MRI1: variants seen among roughly 807,000 people sequenced by gnomAD.
The protein encoded by MRI1 is methylthioribose-1-phosphate isomerase 1, also known as methylthioribose-1-phosphate isomerase.
A neutral mutation model predicts 27.3 loss-of-function variants in MRI1; 32 were observed. The ratio of observed to expected loss-of-function variants is 1.17; its 90% CI spans 0.88 to 1.57. MRI1 has a LOEUF of 1.57. Ranked by LOEUF, MRI1 falls within the 40% of genes most tolerant of loss-of-function variation. MRI1 has a pLI of 0.00. For synonymous variants in MRI1, 216 were observed against 227.4 expected (o/e 0.95, Z 0.45); for missense variants, 508 against 516.1 (o/e 0.98, Z 0.15).
chr19:13,769,930 A>C (rs1014742152), intron 5 of MRI1, among the ~76,000 whole-genome samples: 4 of 151,942 alleles, frequency 2.6e-5, no homozygotes, highest in Admixed American at 2.6e-4. Flanking sequence ...AAAAAAAAAA[A>C]AGAAAAGAAA....
rs969653996 is a variant in MRI1 at position 13,768,668 on chromosome 19, G to C, written c.655G>C (p.Glu219Gln). 1 of 1,613,978 alleles carries C rather than the reference G, an allele frequency of 6.2e-7. No homozygotes were observed. The highest frequency in any genetic ancestry group is 2.2e-5 in the East Asian group (1 of 44,884). ...ARLTAFELVYEQIPATLITDS... is the reference protein window; with the variant it reads ...ARLTAFELVYQQIPATLITDS... ...GCTGACGGCCTTTGAGCTGGTCTAT[G>C]AGCAGATCCCCGCCACCCTTATCAC... The change falls in exon 4 of 6, where the codon GAG (glutamate) becomes CAG (glutamine). Residue 219 changes from glutamate (E) to glutamine (Q), a missense_variant. This residue lies in a region of MRI1 where 457 missense variants were observed against 452.8 expected (regional missense o/e 1.01). Coordinates refer to ENST00000040663, the MANE Select transcript of MRI1 (RefSeq NM_001031727.4).
chr19:13,764,979 G>A lies in MRI1; in HGVS notation c.241G>A (p.Asp81Asn), dbSNP rs1974085192. 6.6e-7 allele frequency: 1 copy of A among 1,518,382 alleles called. No individual in the cohort carries two copies. The highest frequency in any genetic ancestry group is 8.8e-7 in the Non-Finnish European group (1 of 1,139,238). 94.1% of individuals were successfully genotyped at this position (1,518,382 alleles called of 1,614,324 possible). Reference sequence around the variant, plus strand: ...CGCCGCGCTCGTGGCCTTCGTGCGCGACAAGCTGAGCTTCCTCGTCACCGC... The same window carrying A: ...CGCCGCGCTCGTGGCCTTCGTGCGCAACAAGCTGAGCTTCCTCGTCACCGC... ...GLAALVAFVR[D>N]KLSFLVTARP... Residue 81 changes from aspartate to asparagine, a missense_variant, in exon 2 of 6, where the codon GAC becomes AAC. Physicochemically the swap from Asp to Asn is conservative, Grantham distance 23. Transcript: ENST00000040663.
chr19:13,767,502 C>T (rs1012346129), intron 3 of MRI1, among the ~76,000 whole-genome samples: 2 of 151,874 alleles, frequency 1.3e-5, no homozygotes, highest in Admixed American at 6.6e-5. Flanking sequence ...AAGTTCTAGA[C>T]CAGCCTTTGC....
rs932365634 is a variant in MRI1, at chr19:13,764,525, C to A, written c.-64C>A. 5.7e-6 allele frequency: 9 copies of A among 1,582,714 alleles called. No homozygotes were observed. The highest frequency in any genetic ancestry group is 6.9e-6 in the Non-Finnish European group (8 of 1,166,450). ...GGGAGGCTCCGCCCACGGCCCCGCC[C>A]CGCTCCCAAGTGCGCGCGGACCCCT... On this transcript the variant is annotated 5_prime_UTR_variant, in exon 1 of 6. Coordinates refer to ENST00000040663, the MANE Select transcript of MRI1 (RefSeq NM_001031727.4).
chr19:13,769,423 C>A (rs1974223529), intron 5 of MRI1, among the ~76,000 whole-genome samples: 3 of 152,104 alleles, frequency 2.0e-5, no homozygotes, highest in Non-Finnish European at 4.4e-5. Flanking sequence ...CTCTGCCTCC[C>A]AAAGCGCTAG....
chr19:13,766,376 G>T (rs1055434987), intron 3 of MRI1, among the ~76,000 whole-genome samples: 1 of 152,104 alleles, frequency 6.6e-6, no homozygotes, highest in Non-Finnish European at 1.5e-5. Context: ...CCATGGGCTG[G>T]CAGGCGGCTG....
chr19:13,767,861 C>CTTTTTTTTT lies in MRI1; in HGVS notation c.548-683_548-675dup, dbSNP rs1170108927. On this transcript the variant is annotated intron_variant, in intron 3 of 5. Coordinates refer to ENST00000040663, the MANE Select transcript of MRI1 (RefSeq NM_001031727.4). ...TCTTTTCAAGTATTTTCTTTCTTTC[C>CTTTTTTTTT]TTTTTTTTTTTTTTTTTTTTTTTTT... 1.2e-3 allele frequency among the ~76,000 whole-genome samples: 72 copies of CTTTTTTTTT among 61,080 alleles called. 6 individuals are homozygous for CTTTTTTTTT. The highest frequency in any genetic ancestry group is 6.7e-3 in the East Asian group (11 of 1,638). 40.1% of individuals were successfully genotyped at this position (61,080 alleles called of 152,430 possible).
chr19:13,768,378 G>T, intron 3 of MRI1, 183 bp from the exon 4 acceptor site: 1 of 1,499,744 alleles, frequency 6.7e-7, no homozygotes. Context: ...GGAGCTATGC[G>T]AGCATTGGGA....
rs949111038 is a variant in MRI1, at chr19:13,768,972, C to T, written c.873C>T (p.Thr291=). The part of the protein sequence containing the change: ...PSSSCDLRLE[T]GKEIIIEERP... ...CTTCATGTGACCTCCGTCTGGAGAC[C>T]GGCAAGGAGATCATTATTGAAGAGC... Residue 291 remains threonine, a synonymous_variant, in exon 5 of 6, where the codon ACC becomes ACT. Coordinates refer to ENST00000040663, the MANE Select transcript of MRI1 (RefSeq NM_001031727.4). 10 of 1,613,922 alleles carry T rather than the reference C, an allele frequency of 6.2e-6. No homozygotes were observed. The highest frequency in any genetic ancestry group is 2.7e-5 in the African/African-American group (2 of 74,928).
chr19:13,764,737 G>A lies in MRI1; in HGVS notation c.132+17G>A. 1 of 3,808 alleles carries A rather than the reference G, an allele frequency of 2.6e-4. No individual in the cohort carries two copies. Among genetic ancestry groups the A allele is most frequent in the Non-Finnish European group, 5.0e-4 (1 of 2,008 alleles). 0.2% of individuals were successfully genotyped at this position (3,808 alleles called of 1,614,324 possible). A position where few individuals can be genotyped will look rare whatever the true frequency, so the allele number is the denominator to read the frequency against. On this transcript the variant is annotated intron_variant, in intron 1 of 5. Transcript: ENST00000040663. ...GCCATGAAGGTGCAGCGGGGCGGCG[G>A]GGCGGCGGGGCGGCGGGGCGGCGGG... is the stretch of plus-strand genomic sequence containing the variant.
At chr19:13,771,604 G>A (rs1291977487) in intron 5 of MRI1, among the ~76,000 whole-genome samples, 1 of 152,120 alleles carries the variant, frequency 6.6e-6, no homozygotes, top group Non-Finnish European at 1.5e-5. Flanking sequence ...GCTCACGCCT[G>A]TAATCCCAGC....
In MRI1 at chr19:13,765,068, G is replaced by A; in HGVS notation, c.330G>A (p.Glu110=). 6.6e-7 allele frequency: 1 copy of A among 1,526,456 alleles called. No homozygotes were observed. The highest frequency in any genetic ancestry group is 8.8e-7 in the Non-Finnish European group (1 of 1,142,034). The allele number at this position is 1,526,456 out of a possible 1,614,324, so 94.6% of individuals were successfully genotyped here. A position where few individuals can be genotyped will look rare whatever the true frequency, so the allele number is the denominator to read the frequency against. Residue 110 remains glutamate, a synonymous_variant, in exon 2 of 6, where the codon GAG becomes GAA. Transcript: ENST00000040663. ...ARDLADVAAR[E]AEREGATEEA... ...ACCTGGCTGATGTTGCAGCCCGGGA[G>A]GCCGAACGGGAGGGCGCTACGGAAG...
rs1179860435 is a variant in MRI1, at chr19:13,773,675, T to A, written c.*1394T>A. 6.5e-6 allele frequency: 1 copy of A among 152,912 alleles called. No homozygotes were observed. Among genetic ancestry groups the A allele is most frequent in the Non-Finnish European group, 1.5e-5 (1 of 68,040 alleles). The allele number at this position is 152,912 out of a possible 1,614,324, so 9.5% of individuals were successfully genotyped here. ...ATGATGAACAAAACAAGTATTTGTT[T>A]GAGACGGGGTCTCGCTCTGTCGCCC... On this transcript the variant is annotated 3_prime_UTR_variant, in exon 6 of 6. Coordinates refer to ENST00000040663, the MANE Select transcript of MRI1 (RefSeq NM_001031727.4).
At chr19:13,771,284 T>G (rs1974263699) in intron 5 of MRI1, among the ~76,000 whole-genome samples, 2 of 151,552 alleles carry the variant, frequency 1.3e-5, no homozygotes, top group African/African-American at 4.8e-5. Flanking sequence ...GGAGAATCGC[T>G]TGAACCTGGG....
chr19:13,770,421 C>T (rs1974245547), intron 5 of MRI1, among the ~76,000 whole-genome samples: 3 of 151,798 alleles, frequency 2.0e-5, no homozygotes, highest in African/African-American at 7.3e-5. Context: ...CACGTCTCTA[C>T]TAAAAAAATA....
rs541994924 is a variant in MRI1 at position 13,767,823 on chromosome 19, G to A, written c.548-738G>A. Among the ~76,000 whole-genome samples, 5 of 146,736 alleles carry A rather than the reference G, an allele frequency of 3.4e-5. No individual in the cohort carries two copies. In the South Asian group the frequency reaches 1.1e-3, roughly 32 times the overall value. On this transcript the variant is annotated intron_variant, in intron 3 of 5. Coordinates refer to ENST00000040663, the MANE Select transcript of MRI1 (RefSeq NM_001031727.4). ...TGGCTCCTTGCAACCTCTGCCTCCT[G>A]GGTTCCAGCGATTCTTTTCAAGTAT...
At position 13,772,073 on chromosome 19, in the gene MRI1, T is replaced by C. The variant is rs780139707; in HGVS notation, c.950-48T>C. The stretch of plus-strand genomic sequence containing the variant: ...ACAGATGACTACAACCTGAGAACTT[T>C]CACAGAAGCAAATTCTTGCCTCCTT... On this transcript the variant is annotated intron_variant, in intron 5 of 5. Coordinates refer to ENST00000040663, the MANE Select transcript of MRI1 (RefSeq NM_001031727.4). The C allele has an allele frequency of 7.7e-6, 12 of 1,548,528 alleles. No homozygotes were observed. In the East Asian group the frequency reaches 2.3e-4, roughly 30 times the overall value.
chr19:13,769,354 A>G lies in MRI1; in HGVS notation c.949+306A>G, dbSNP rs1310929050. On this transcript the variant is annotated intron_variant, in intron 5 of 5. Coordinates refer to ENST00000040663, the MANE Select transcript of MRI1 (RefSeq NM_001031727.4). ...AATTTTTGTATTTTTAGTAGAGATG[A>G]GGTTTCAACATGTGGACCAGGCTAT... Among the ~76,000 whole-genome samples the G allele has an allele frequency of 3.3e-5, 5 of 151,762 alleles. No individual in the cohort carries two copies. The East Asian group carries it at 9.7e-4, about 30-fold the overall frequency.
At position 13,768,677 on chromosome 19, in the gene MRI1, C is replaced by G. The variant is rs1275068211; in HGVS notation, c.664C>G (p.Pro222Ala). 6.2e-7 allele frequency: 1 copy of G among 1,613,992 alleles called. No individual in the cohort carries two copies. The highest frequency in any genetic ancestry group is 1.1e-5 in the South Asian group (1 of 91,090). Reference protein sequence around the residue: ...TAFELVYEQIPATLITDSMVA... With the variant: ...TAFELVYEQIAATLITDSMVA... Reference sequence around the variant, plus strand: ...CTTTGAGCTGGTCTATGAGCAGATCCCCGCCACCCTTATCACCGACAGCAT... The same window carrying G: ...CTTTGAGCTGGTCTATGAGCAGATCGCCGCCACCCTTATCACCGACAGCAT... The change falls in exon 4 of 6, where the codon CCC becomes GCC. Residue 222 changes from proline (P) to alanine (A), a missense_variant. Coordinates refer to ENST00000040663, the MANE Select transcript of MRI1 (RefSeq NM_001031727.4).
Sources: allele counts gnomAD v4.1 joint callset (sites outside exome capture counted in the v4.1 genomes callset), GRCh38; gene constraint gnomAD v4.1.1; regional missense constraint gnomAD v4.1.1; transcripts MANE v1.5; gene names NCBI Gene and HGNC (gene_info 2026-07-23, HGNC 2026-07-21).